Variants in CREG2 observed in about 807,000 individuals in gnomAD.
The protein encoded by CREG2 is protein CREG2.
Under a neutral mutation model 26.2 loss-of-function variants are expected in CREG2, and 24 were observed. The observed-to-expected ratio is 0.92, with a 90% confidence interval of 0.66 to 1.29. CREG2 has a LOEUF of 1.29. CREG2 is among the 50% of genes most tolerant of loss of function. The pLI is 0.00. For synonymous variants in CREG2, 174 were observed against 169.2 expected, an observed-to-expected ratio of 1.03 and a Z score of -0.22; for missense variants, 366 against 398.6, an observed-to-expected ratio of 0.92 and a Z score of 0.70.
chr2:101,357,123 G>A (rs1164956323), intron 2 of CREG2, among the ~76,000 whole-genome samples: 1 of 152,184 alleles, frequency 6.6e-6, no homozygotes. Flanking sequence ...TCCTGACCCT[G>A]TGATTCGCCC....
chr2:101,378,608 C>T (rs776412777), intron 2 of CREG2, among the ~76,000 whole-genome samples: 9 of 152,188 alleles, frequency 5.9e-5, no homozygotes, highest in Non-Finnish European at 5.9e-5. Flanking sequence ...AGTATCCTAC[C>T]TCCAGTCAAC....
rs1428444157 is a variant in CREG2, at chr2:101,347,160, T to C, written c.*3763A>G. The C allele has an allele frequency of 6.7e-6, 1 of 148,374 alleles. No individual in the cohort carries two copies. The highest frequency in any genetic ancestry group is 1.5e-5 in the Non-Finnish European group (1 of 68,022). The allele number at this position is 148,374 out of a possible 1,614,324, so 9.2% of individuals were successfully genotyped here. On this transcript the variant is annotated 3_prime_UTR_variant, in exon 4 of 4. Coordinates refer to ENST00000324768, the MANE Select transcript of CREG2 (RefSeq NM_153836.4). ...GGTTGCCCATGTCAGTAATTAGTTC[T>C]TTTTTATCGCTGAGTAGTATTCCGG...
chr2:101,376,297 AC>A (rs1684788346), intron 2 of CREG2, among the ~76,000 whole-genome samples: 3 of 146,836 alleles, frequency 2.0e-5, no homozygotes, highest in African/African-American at 7.7e-5. Flanking sequence ...TTTTTTTTTA[AC>A]ACAGAGTGTC....
At chr2:101,351,156 G>A in intron 3 of CREG2, 86 bp from the exon 4 acceptor site, 1 of 1,358,926 alleles carries the variant, frequency 7.4e-7, no homozygotes, top group Non-Finnish European at 1.0e-6. Flanking sequence ...CCAGAGTCCA[G>A]GCCTCATTTG....
intron 3 of CREG2, among the ~76,000 whole-genome samples, chr2:101,352,363 C>G (rs974586152): frequency 2.0e-5 from 3 of 152,160 alleles, no homozygotes; most frequent in Non-Finnish European, 4.4e-5. Flanking sequence ...TTTTAAGAAA[C>G]CTACTTTTGT....
intron 2 of CREG2, among the ~76,000 whole-genome samples, chr2:101,377,845 C>T (rs903636428): frequency 2.0e-5 from 3 of 152,264 alleles, no homozygotes; most frequent in East Asian, 1.9e-4. Context: ...TGGTAGGCTC[C>T]GACTTGTATG....
chr2:101,370,040 C>T (rs1029873123), intron 2 of CREG2, among the ~76,000 whole-genome samples: 3 of 152,134 alleles, frequency 2.0e-5, no homozygotes, highest in South Asian at 2.1e-4. Flanking sequence ...GGTAACAGTC[C>T]GGCTCGGGAG....
intron 1 of CREG2, among the ~76,000 whole-genome samples, chr2:101,384,411 T>A (rs1185208582): frequency 2.0e-5 from 3 of 152,156 alleles, no homozygotes; most frequent in African/African-American, 4.8e-5. Flanking sequence ...TGGATATCCA[T>A]CCCTCCAAAT....
intron 2 of CREG2, among the ~76,000 whole-genome samples, chr2:101,369,273 G>A (rs922264470): frequency 6.6e-6 from 1 of 152,134 alleles, no homozygotes; most frequent in Non-Finnish European, 1.5e-5. Flanking sequence ...GCAGTGAGTC[G>A]GGAGAAGCCT....
At chr2:101,351,134 G>GTCATAGGACC (rs1428018664) in intron 3 of CREG2, 64 bp from the exon 4 acceptor site, 1 of 1,526,982 alleles carries the variant, frequency 6.5e-7, no homozygotes, top group African/African-American at 1.4e-5. Context: ...CCTGGGCCAA[G>GTCATAGGACC]TCATAGGACC....
Position 101,346,693 on chromosome 2 carries a change from A to G in CREG2, c.*4230T>C, listed in dbSNP as rs1240766212. ...TAGGGACTAATAAGAGAGAGAGTAT[A>G]AATGCTTTATTAAGCTAAGCCCTAA... is the stretch of plus-strand genomic sequence containing the variant. On this transcript the variant is annotated 3_prime_UTR_variant, in exon 4 of 4. Transcript: ENST00000324768. 3 of 152,234 alleles carry G rather than the reference A, an allele frequency of 2.0e-5. No homozygotes were observed. Among genetic ancestry groups the G allele is most frequent in the Admixed American group, 6.5e-5 (1 of 15,284 alleles). 9.4% of individuals were successfully genotyped at this position (152,234 alleles called of 1,614,324 possible).
intron 2 of CREG2, among the ~76,000 whole-genome samples, chr2:101,370,713 A>G (rs1684690659): frequency 6.6e-6 from 1 of 152,188 alleles, no homozygotes; most frequent in Admixed American, 6.5e-5. Context: ...TCCTGGGCTC[A>G]GGCTGCTCCT....
rs1268976190 is a variant in CREG2, at chr2:101,387,382, G to C, written c.76C>G (p.Leu26Val). ...LSWLLCCSAL[L>V]SPAAGYVIVS... ...ATCACGTAGCCCGCGGCCGGGGACAGCAGGGCGCTGCAGCACAGCAGCCAG... is the reference window on the plus strand; with the variant it reads ...ATCACGTAGCCCGCGGCCGGGGACACCAGGGCGCTGCAGCACAGCAGCCAG... Residue 26 changes from leucine to valine, a missense_variant, in exon 1 of 4, where the codon CTG becomes GTG. Leu to Val is a conservative substitution (Grantham distance 32). Coordinates refer to ENST00000324768, the MANE Select transcript of CREG2 (RefSeq NM_153836.4). The surrounding 1 kb of genome is among the most constrained non-coding windows in gnomAD (Gnocchi z 4.7). 2 of 1,448,736 alleles carry C rather than the reference G, an allele frequency of 1.4e-6. No homozygotes were observed. The highest frequency in any genetic ancestry group is 1.8e-6 in the Non-Finnish European group (2 of 1,091,802). The allele number at this position is 1,448,736 out of a possible 1,614,324, so 89.7% of individuals were successfully genotyped here.
rs1684304213 is a variant in CREG2 at position 101,346,181 on chromosome 2, C to CTCTTA, written c.*4741_*4742insTAAGA. 6.6e-6 allele frequency: 1 copy of CTCTTA among 152,044 alleles called. No homozygotes were observed. The highest frequency in any genetic ancestry group is 1.5e-5 in the Non-Finnish European group (1 of 68,018). 9.4% of individuals were successfully genotyped at this position (152,044 alleles called of 1,614,324 possible). ...CAAAAAGCGACTCTCTTATAAACAG[C>CTCTTA]TAATATATACAAGGCATATTGAAAT... On this transcript the variant is annotated 3_prime_UTR_variant, in exon 4 of 4. Coordinates refer to ENST00000324768, the MANE Select transcript of CREG2 (RefSeq NM_153836.4).
chr2:101,359,620 G>A (rs1440296151), intron 2 of CREG2, among the ~76,000 whole-genome samples: 1 of 152,130 alleles, frequency 6.6e-6, no homozygotes, highest in African/African-American at 2.4e-5. Flanking sequence ...ATAGTCACCC[G>A]ACATTCCTGG....
At chr2:101,383,084 G>A in intron 2 of CREG2, 1 of 741,172 alleles carries the variant, frequency 1.3e-6, no homozygotes, top group Non-Finnish European at 1.7e-6. Flanking sequence ...CATATCTCTG[G>A]GGACAGGATA....
At chr2:101,385,930 T>C (rs1311542385) in intron 1 of CREG2, among the ~76,000 whole-genome samples, 1 of 152,206 alleles carries the variant, frequency 6.6e-6, no homozygotes, top group Non-Finnish European at 1.5e-5. Flanking sequence ...CTTGAAAAGA[T>C]TTGTGTTTTC....
chr2:101,384,145 A>G (rs1056214401), intron 1 of CREG2, among the ~76,000 whole-genome samples: 7 of 152,140 alleles, frequency 4.6e-5, no homozygotes, highest in African/African-American at 1.7e-4. Context: ...TTTAGGGAGG[A>G]TGTTTAAGTC....
rs1242508895 is a variant in CREG2 at position 101,387,112 on chromosome 2, C to T, written c.346G>A (p.Ala116Thr). The change falls in exon 1 of 4, where the codon GCG becomes ACG. Residue 116 changes from alanine (A) to threonine (T), a missense_variant. Physicochemically the swap from Ala to Thr is moderately conservative, Grantham distance 58 (BLOSUM62 0). Transcript: ENST00000324768. This position sits in a 1 kb window ranked among gnomAD's most constrained non-coding sequence, Gnocchi z 4.7. ...GCGCGCAGTCTAGGGCCCGGGGGCGCACTGGCCGTCTGGCCGCCCTCGCGC... is the reference window on the plus strand; with the variant it reads ...GCGCGCAGTCTAGGGCCCGGGGGCGTACTGGCCGTCTGGCCGCCCTCGCGC... ...YRREGGQTAS[A>T]PPGPRLRAAT... 2.4e-6 allele frequency: 3 copies of T among 1,244,250 alleles called. No individual in the cohort carries two copies. The highest frequency in any genetic ancestry group is 3.0e-6 in the Non-Finnish European group (3 of 995,660). The allele number at this position is 1,244,250 out of a possible 1,614,324, so 77.1% of individuals were successfully genotyped here.
Sources: gnomAD v4.1 joint callset for allele counts (sites outside exome capture counted in the v4.1 genomes callset) on GRCh38, gnomAD v4.1.1 for gene constraint, Gnocchi (gnomAD v3.1) non-coding constraint, MANE v1.5 for transcripts, NCBI Gene and HGNC (gene_info 2026-07-23, HGNC 2026-07-21) for gene names.